The following NAV2 variants were observed in gnomAD, a reference collection of about 807,000 sequenced individuals.
NAV2 encodes the protein neuron navigator 2.
In NAV2, 54 loss-of-function variants were observed where a neutral mutation model predicts 223.2. That is an observed-to-expected ratio of 0.24 (90% CI 0.19 to 0.30). The LOEUF is 0.30. NAV2 is among the 10% of genes least tolerant of loss of function. The pLI is 1.00. For synonymous variants in NAV2, 1,279 were observed against 1,239.3 expected (o/e 1.03, Z -0.67); for missense variants, 2,806 against 3,147.5 (o/e 0.89, Z 2.60).
intron 3 of NAV2, among the ~76,000 whole-genome samples, chr11:19,865,453 T>A (rs542976485): frequency 1.3e-5 from 2 of 152,306 alleles, no homozygotes; most frequent in African/African-American, 2.4e-5. Flanking sequence ...TCCTTCCAAA[T>A]GAAGCCAGGA....
intron 1 of NAV2, among the ~76,000 whole-genome samples, chr11:19,739,874 G>C (rs986879507): frequency 6.6e-6 from 1 of 152,200 alleles, no homozygotes; most frequent in Non-Finnish European, 1.5e-5. Context: ...ACTTCTAAGA[G>C]GGCCCTGGTG....
At chr11:19,754,035 T>TGAACAACATG (rs2054048304) in intron 1 of NAV2, among the ~76,000 whole-genome samples, 1 of 152,160 alleles carries the variant, frequency 6.6e-6, no homozygotes, top group African/African-American at 2.4e-5. Context: ...CAGAATGACA[T>TGAACAACATG]TCAAGAGTCA....
intron 1 of NAV2, among the ~76,000 whole-genome samples, chr11:19,631,139 G>C (rs550243326): frequency 2.0e-5 from 3 of 148,882 alleles, no homozygotes; most frequent in African/African-American, 7.4e-5. Context: ...AAGTTTTAGG[G>C]TACATGTGCA....
intron 1 of NAV2, among the ~76,000 whole-genome samples, chr11:19,403,545 G>A (rs2702676): frequency 0.82 from 125,140 of 152,220 alleles, 52,156 homozygotes; most frequent in Non-Finnish European, 0.9. Context: ...GGCATGTAGC[G>A]GCACACGATG....
chr11:20,080,822 G>A (rs7103552), intron 25 of NAV2, among the ~76,000 whole-genome samples: 80,323 of 152,030 alleles, frequency 0.53, 22,021 homozygotes, highest in South Asian at 0.71. Context: ...CATAATCCCA[G>A]TGAGTTATTT....
At chr11:19,790,815 G>A (rs148299956) in intron 1 of NAV2, among the ~76,000 whole-genome samples, 3 of 152,136 alleles carry the variant, frequency 2.0e-5, no homozygotes, top group African/African-American at 7.2e-5. Flanking sequence ...TTTGCAAAAG[G>A]GGGGAATATT....
chr11:20,118,179 C>T lies in NAV2; in HGVS notation c.7211C>T (p.Pro2404Leu), dbSNP rs775024921. 7 of 1,614,086 alleles carry T rather than the reference C, an allele frequency of 4.3e-6. No homozygotes were observed. The highest frequency in any genetic ancestry group is 5.9e-6 in the Non-Finnish European group (7 of 1,179,970). ...RLQEAANYSSPQSYDSDSNSN... is the reference protein window; with the variant it reads ...RLQEAANYSSLQSYDSDSNSN... ...CAGGAGGCAGCCAACTACTCCAGCC[C>T]CCAGAGCTATGACAGCGACTCCAAC... Residue 2404 changes from proline to leucine, a missense_variant, in exon 38 of 38, where the codon CCC (proline) becomes CTC (leucine). Pro to Leu is a moderately conservative substitution (Grantham distance 98). Around this residue, in one of 4 missense-constraint regions of NAV2, gnomAD observed 824 missense variants for 1,069.4 expected, o/e 0.77. Transcript: ENST00000349880.
At chr11:19,706,261 G>A (rs1439677299) in intron 1 of NAV2, among the ~76,000 whole-genome samples, 3 of 152,126 alleles carry the variant, frequency 2.0e-5, no homozygotes, top group Non-Finnish European at 4.4e-5. Flanking sequence ...AATCCTTTGT[G>A]GGATGAGGCA....
intron 1 of NAV2, among the ~76,000 whole-genome samples, chr11:19,572,448 G>A (rs952907957): frequency 6.6e-6 from 1 of 152,068 alleles, no homozygotes; most frequent in Non-Finnish European, 1.5e-5. Flanking sequence ...GCAACCTTTC[G>A]GCTTCAATAT....
At chr11:20,053,187 C>T (rs532575531) in intron 17 of NAV2, among the ~76,000 whole-genome samples, 65 of 146,728 alleles carry the variant, frequency 4.4e-4, no homozygotes, top group Admixed American at 1.0e-3. Flanking sequence ...CACCTTTCTC[C>T]GGCCTGGGCA....
chr11:19,345,721 C>CG, the NAV2 span, among the ~76,000 whole-genome samples: 4 of 152,234 alleles, frequency 2.6e-5, no homozygotes, highest in Non-Finnish European at 5.9e-5. This position sits in a 1 kb window ranked among gnomAD's most constrained non-coding sequence, Gnocchi z 5.2. Flanking sequence ...TCTGCGAGCT[C>CG]GGGGGCGCAC....
rs10692495 is a variant in NAV2, at chr11:19,931,609, A to AAAAAAAAAAAAAAAAAAAAG, written c.932-1567_932-1566insAAAAAAAAAAAAAAAAAAAG. 8.0e-5 allele frequency among the ~76,000 whole-genome samples: 11 copies of AAAAAAAAAAAAAAAAAAAAG among 137,306 alleles called. 4 individuals are homozygous for AAAAAAAAAAAAAAAAAAAAG. Among genetic ancestry groups the AAAAAAAAAAAAAAAAAAAAG allele is most frequent in the Non-Finnish European group, 7.8e-5 (5 of 64,332 alleles). The allele number at this position is 137,306 out of a possible 152,430, so 90.1% of individuals were successfully genotyped here. On this transcript the variant is annotated intron_variant, in intron 6 of 37. Transcript: ENST00000349880. ...ACATAGGTATTTAAAAAAAAAAAAA[A>AAAAAAAAAAAAAAAAAAAAG]GCAGAAGAAGCAGCCGTTAATCCCG...
intron 1 of NAV2, among the ~76,000 whole-genome samples, chr11:19,352,912 A>G (rs1590035383): frequency 6.6e-6 from 1 of 152,166 alleles, no homozygotes; most frequent in Admixed American, 6.5e-5. Flanking sequence ...TGGTGTGTGC[A>G]TGTGTGTGTT....
intron 1 of NAV2, among the ~76,000 whole-genome samples, chr11:19,582,087 G>T (rs1443151949): frequency 4.6e-5 from 7 of 152,158 alleles, no homozygotes; most frequent in Non-Finnish European, 8.8e-5. Context: ...TCTCATTGTG[G>T]TTTTGATTTG....
chr11:20,049,797 A>ACGTT (rs1374325976), intron 15 of NAV2, 39 bp from the exon 16 acceptor site: 1 of 1,591,702 alleles, frequency 6.3e-7, no homozygotes, highest in Admixed American at 1.7e-5. Context: ...TTCCAAGCTA[A>ACGTT]CGTTCCTTCT....
intron 11 of NAV2, among the ~76,000 whole-genome samples, chr11:20,035,132 C>T (rs2153564665): frequency 6.6e-6 from 1 of 152,098 alleles, no homozygotes; most frequent in South Asian, 2.1e-4. Context: ...AGAAGCAGAC[C>T]ACAGAGACCA....
chr11:19,720,088 G>C (rs779436828), intron 1 of NAV2, among the ~76,000 whole-genome samples: 7 of 152,238 alleles, frequency 4.6e-5, no homozygotes, highest in African/African-American at 1.4e-4. Context: ...TGTAATGAGA[G>C]CTGGACCTTG....
intron 6 of NAV2, among the ~76,000 whole-genome samples, chr11:19,903,935 A>G (rs1414380200): frequency 6.6e-6 from 1 of 152,206 alleles, no homozygotes; most frequent in Non-Finnish European, 1.5e-5. Context: ...TAGTGGAAAG[A>G]CTTTCTCTTG....
chr11:19,485,476 C>T (rs1171203524), intron 1 of NAV2, among the ~76,000 whole-genome samples: 8 of 152,108 alleles, frequency 5.3e-5, no homozygotes, highest in Non-Finnish European at 1.2e-4. Context: ...GACTGAGGGA[C>T]ATTTAAAGGC....
Sources: allele counts gnomAD v4.1 joint callset (sites outside exome capture counted in the v4.1 genomes callset), GRCh38; gene constraint gnomAD v4.1.1; regional missense constraint gnomAD v4.1.1; non-coding constraint Gnocchi (gnomAD v3.1); transcripts MANE v1.5; gene names NCBI Gene and HGNC (gene_info 2026-07-23, HGNC 2026-07-21).